The following HCRTR2 variants were observed in gnomAD, a reference collection of about 807,000 sequenced individuals.
HCRTR2 encodes the protein orexin receptor type 2.
HCRTR2 carries 22 observed loss-of-function variants against 49.0 expected under a neutral mutation model. The observed-to-expected ratio is 0.45, with a 90% CI of 0.32 to 0.64. The LOEUF (loss-of-function observed/expected upper bound fraction) is 0.64. Among genes scored for constraint, HCRTR2 ranks in the 30% least tolerant of loss-of-function variants. The pLI, the probability that HCRTR2 is intolerant of heterozygous loss-of-function variation, is 0.04. For synonymous variants in HCRTR2, 236 were observed against 205.3 expected (o/e 1.15, Z -1.28); for missense variants, 491 against 559.4 (o/e 0.88, Z 1.23).
intron 6 of HCRTR2, among the ~76,000 whole-genome samples, chr6:55,280,758 C>T (rs1422143358): frequency 6.6e-6 from 1 of 152,008 alleles, no homozygotes; most frequent in Non-Finnish European, 1.5e-5. Context: ...ATATAAAATA[C>T]TTTGTTCTGT....
Position 55,280,398 on chromosome 6 carries a change from A to G in HCRTR2, c.1059A>G (p.Val353=), listed in dbSNP as rs765787442. ...GGTTTACCTTTTCACACTGGCTTGT[A>G]TATGCCAATAGTGCTGCGAATCCAA... ...YAWFTFSHWL[V]YANSAANPII... Residue 353 remains valine (V), a synonymous_variant, in exon 6 of 7, where the codon GTA becomes GTG. Transcript: ENST00000370862. The G allele has an allele frequency of 1.2e-6, 2 of 1,612,976 alleles. No homozygotes were observed. Among genetic ancestry groups the G allele is most frequent in the Middle Eastern group, 1.7e-4 (1 of 6,052 alleles).
intron 1 of HCRTR2, among the ~76,000 whole-genome samples, chr6:55,117,318 C>T (rs4308559): frequency 1 from 151,834 of 151,870 alleles, 75,899 homozygotes; most frequent in Non-Finnish European, 1. Flanking sequence ...TTTTACAAGA[C>T]AAGCTAAATG....
chr6:55,165,124 G>A lies in HCRTR2; in HGVS notation c.-377-9087G>A, dbSNP rs989703805. On this transcript the variant is annotated intron_variant, in intron 1 of 7. Transcript: ENST00000615358. Reference sequence around the variant, plus strand: ...TATTTGAAAATATACAGTCAGAGGAGACAAAAGAAGAAAATTAAAAACAAT... The same window carrying A: ...TATTTGAAAATATACAGTCAGAGGAAACAAAAGAAGAAAATTAAAAACAAT... Among the ~76,000 whole-genome samples the A allele has an allele frequency of 3.3e-5, 5 of 151,884 alleles. No individual in the cohort carries two copies. The South Asian group carries it at 1.0e-3, about 32-fold the overall frequency.
At chr6:55,145,619 G>A (rs1764570714) in intron 1 of HCRTR2, among the ~76,000 whole-genome samples, 2 of 151,986 alleles carry the variant, frequency 1.3e-5, no homozygotes, top group South Asian at 4.1e-4. Context: ...GTTTCACCGT[G>A]TTAGCCAGGA....
chr6:55,220,264 G>A (rs528901974), intron 1 of HCRTR2, among the ~76,000 whole-genome samples: 6 of 152,218 alleles, frequency 3.9e-5, no homozygotes, highest in African/African-American at 1.4e-4. Context: ...TTTCAAACAA[G>A]CTACAGGCCA....
At chr6:55,255,521 T>A in intron 3 of HCRTR2, 142 bp downstream of exon 3, 8 of 917,498 alleles carry the variant, frequency 8.7e-6, no homozygotes, top group Non-Finnish European at 1.4e-5. Flanking sequence ...GAAAACCAAC[T>A]TGAATTTCAA....
intron 1 of HCRTR2, among the ~76,000 whole-genome samples, chr6:55,187,659 G>C (rs1045218462): frequency 1.4e-5 from 2 of 141,866 alleles, no homozygotes; most frequent in Non-Finnish European, 3.1e-5. Flanking sequence ...ACAACAACTA[G>C]TGTGATAGGG....
chr6:55,236,342 A>T (rs1057156023), intron 1 of HCRTR2, among the ~76,000 whole-genome samples: 1 of 151,886 alleles, frequency 6.6e-6, no homozygotes, highest in Non-Finnish European at 1.5e-5. Context: ...ATTATATTTT[A>T]TATATCAATT....
intron 3 of HCRTR2, among the ~76,000 whole-genome samples, chr6:55,262,450 ATAT>A (rs1264859161): frequency 9.0e-5 from 12 of 132,618 alleles, no homozygotes; most frequent in African/African-American, 1.4e-4. Context: ...CTATTAATAT[ATAT>A]TATTTATATT....
At chr6:55,133,103 C>T (rs555349752) in intron 1 of HCRTR2, among the ~76,000 whole-genome samples, 4 of 151,778 alleles carry the variant, frequency 2.6e-5, no homozygotes, top group African/African-American at 9.6e-5. Context: ...TTGATTTAAT[C>T]GTTAATTGAT....
intron 1 of HCRTR2, among the ~76,000 whole-genome samples, chr6:55,118,269 T>C (rs1255498185): frequency 1.3e-5 from 2 of 151,990 alleles, no homozygotes; most frequent in Non-Finnish European, 2.9e-5. Context: ...TCATGGTGTA[T>C]ATGCACCACA....
chr6:55,278,537 A>G (rs1392641213), intron 5 of HCRTR2, among the ~76,000 whole-genome samples: 1 of 151,966 alleles, frequency 6.6e-6, no homozygotes, highest in African/African-American at 2.4e-5. Flanking sequence ...CCTGTTTTTG[A>G]TGGTTTAACG....
At chr6:55,116,313 T>C (rs1407048126) in intron 1 of HCRTR2, among the ~76,000 whole-genome samples, 1 of 151,762 alleles carries the variant, frequency 6.6e-6, no homozygotes, top group East Asian at 1.9e-4. Context: ...ATTATTTGAG[T>C]CGACTAATTT....
chr6:55,257,858 A>G (rs1472179174), intron 3 of HCRTR2, among the ~76,000 whole-genome samples: 2 of 151,960 alleles, frequency 1.3e-5, no homozygotes, highest in South Asian at 2.1e-4. Context: ...ATTAAGTATT[A>G]TTGGACTGAA....
In HCRTR2 at chr6:55,165,743, GAATATATATATATA is replaced by G. The variant is rs1463966960; in HGVS notation, c.-377-8467_-377-8454del. The stretch of plus-strand genomic sequence containing the variant: ...GTATTTGTTAAGGGATTAGTATACA[GAATATATATATATA>G]TATATATATATATATATATATATAT... On this transcript the variant is annotated intron_variant, in intron 1 of 7. Transcript: ENST00000615358. 4.1e-3 allele frequency among the ~76,000 whole-genome samples: 371 copies of G among 90,214 alleles called. 5 individuals carry two copies. Among genetic ancestry groups the G allele is most frequent in the African/African-American group, 0.018 (359 of 20,122 alleles). 59.2% of individuals were successfully genotyped at this position (90,214 alleles called of 152,430 possible).
chr6:55,159,552 C>A (rs948447658), intron 1 of HCRTR2, among the ~76,000 whole-genome samples: 1 of 152,158 alleles, frequency 6.6e-6, no homozygotes, highest in Non-Finnish European at 1.5e-5. Context: ...GCTAAAGGAG[C>A]ATGTTCTAAC....
At chr6:55,229,035 A>C (rs756747887) in intron 1 of HCRTR2, among the ~76,000 whole-genome samples, 1 of 152,102 alleles carries the variant, frequency 6.6e-6, no homozygotes, top group African/African-American at 2.4e-5. Context: ...GTGGGATGTT[A>C]AAAGGAGGGA....
chr6:55,272,748 G>A (rs369976958), intron 4 of HCRTR2, among the ~76,000 whole-genome samples: 6 of 150,424 alleles, frequency 4.0e-5, no homozygotes, highest in East Asian at 3.9e-4. Flanking sequence ...GTTTTTTTCC[G>A]TACTTCTATA....
chr6:55,217,512 G>T (rs1765810472), intron 1 of HCRTR2, among the ~76,000 whole-genome samples: 2 of 151,986 alleles, frequency 1.3e-5, no homozygotes, highest in African/African-American at 4.8e-5. Context: ...CTTTATTATT[G>T]TCAAGTCTGG....
Sources: allele counts gnomAD v4.1 joint callset (sites outside exome capture counted in the v4.1 genomes callset), GRCh38; gene constraint gnomAD v4.1.1; transcripts MANE v1.5; gene names NCBI Gene and HGNC (gene_info 2026-07-23, HGNC 2026-07-21).